The following EFCAB8 variants were observed in gnomAD, a reference collection of about 807,000 sequenced individuals.
EFCAB8 encodes the protein EF-hand calcium-binding domain-containing protein 8.
In EFCAB8, 100 loss-of-function variants were observed where a neutral mutation model predicts 116.3. The observed-to-expected ratio is 0.86, with a 90% CI of 0.73 to 1.02. The LOEUF (loss-of-function observed/expected upper bound fraction) is 1.02, where lower values mean the gene tolerates loss of function less well. Ranked by LOEUF, EFCAB8 falls within the 50% of genes least tolerant of loss-of-function variation. The pLI is 0.00. For synonymous variants in EFCAB8, 558 were observed against 567.9 expected (o/e 0.98, Z 0.25); for missense variants, 1,320 against 1,416.9 (o/e 0.93, Z 1.10).
At position 32,943,636 on chromosome 20, in the gene EFCAB8, G is replaced by A. The variant is rs1442491323; in HGVS notation, c.2791G>A (p.Val931Ile). The A allele has an allele frequency of 4.8e-6, 2 of 416,892 alleles. No individual in the cohort carries two copies. The highest frequency in any genetic ancestry group is 8.8e-6 in the Non-Finnish European group (2 of 226,550). 25.8% of individuals were successfully genotyped at this position (416,892 alleles called of 1,614,324 possible). A position where few individuals can be genotyped will look rare whatever the true frequency, so the allele number is the denominator to read the frequency against. The change falls in exon 23 of 27, where the codon GTT (valine) becomes ATT (isoleucine). Residue 931 changes from valine (V) to isoleucine (I), a missense_variant and splice_region_variant. Coordinates refer to ENST00000400522, the MANE Select transcript of EFCAB8 (RefSeq NM_001143967.2). The stretch of plus-strand genomic sequence containing the variant: ...GTTTCTCCTGTACTGTCCCCTATAG[G>A]TTGTGGCTGGCCATACCATTTCCCT... ...PHYIPLEDKE[V>I]VAGHTISLVP...
intron 1 of EFCAB8, among the ~76,000 whole-genome samples, chr20:32,861,237 A>G (rs1379261333): frequency 6.6e-6 from 1 of 152,160 alleles, no homozygotes; most frequent in Non-Finnish European, 1.5e-5. Flanking sequence ...GCCTTTCACA[A>G]AGGAGTCATT....
intron 5 of EFCAB8, among the ~76,000 whole-genome samples, chr20:32,882,854 C>G (rs963726569): frequency 6.6e-6 from 1 of 152,144 alleles, no homozygotes; most frequent in African/African-American, 2.4e-5. Flanking sequence ...CACCACCATG[C>G]CCAGCGATTT....
At chr20:32,871,743 C>T (rs1984693273) in intron 3 of EFCAB8, among the ~76,000 whole-genome samples, 1 of 152,108 alleles carries the variant, frequency 6.6e-6, no homozygotes, top group African/African-American at 2.4e-5. Flanking sequence ...CTTAGGCACC[C>T]CAACTGTCAC....
intron 11 of EFCAB8, chr20:32,903,510 A>G (rs547920661): frequency 6.6e-6 from 1 of 152,350 alleles, no homozygotes; most frequent in South Asian, 2.1e-4. Flanking sequence ...TCCTGGCAGG[A>G]GTAGGAGCCA....
In EFCAB8 at chr20:32,898,494, C is replaced by G; in HGVS notation, c.959C>G (p.Ala320Gly). ...SALHRSYRLK[A>G]LHPNWCEQVK... is the part of the protein sequence containing the mutation. ...CCACCATTGCTACTGTCTTCCCAGG[C>G]TCTCCATCCCAACTGGTGTGAGCAG... The change falls in exon 11 of 27, where the codon GCT (alanine) becomes GGT (glycine). Residue 320 changes from alanine to glycine, a missense_variant and splice_region_variant. By Grantham distance (60) the Ala-to-Gly change is moderately conservative (BLOSUM62 0). Transcript: ENST00000400522. 1 of 717,530 alleles carries G rather than the reference C, an allele frequency of 1.4e-6. No individual in the cohort carries two copies. Among genetic ancestry groups the G allele is most frequent in the Non-Finnish European group, 2.6e-6 (1 of 384,276 alleles). The allele number at this position is 717,530 out of a possible 1,614,324, so 44.4% of individuals were successfully genotyped here. A position where few individuals can be genotyped will look rare whatever the true frequency, so the allele number is the denominator to read the frequency against.
intron 7 of EFCAB8, among the ~76,000 whole-genome samples, chr20:32,890,797 C>T (rs988172224): frequency 1.3e-5 from 2 of 152,240 alleles, no homozygotes; most frequent in Non-Finnish European, 1.5e-5. Flanking sequence ...CCTCCCAGTG[C>T]CTCGCTTTAC....
rs190346431 is a variant in EFCAB8 at position 32,933,177 on chromosome 20, T to C, written c.2790+1841T>C. Among the ~76,000 whole-genome samples the C allele has an allele frequency of 4.6e-5, 7 of 152,322 alleles. No homozygotes were observed. In the East Asian group the frequency reaches 1.3e-3, roughly 29 times the overall value. On this transcript the variant is annotated intron_variant, in intron 22 of 26. Coordinates refer to ENST00000400522, the MANE Select transcript of EFCAB8 (RefSeq NM_001143967.2). ...GTCTAAGCTCCAGTAGCAACCAGTG[T>C]AGACCTGAGACTAAACCTAAGTCTG...
chr20:32,917,099 C>T (rs935698909), intron 17 of EFCAB8: 139 of 583,816 alleles, frequency 2.4e-4, no homozygotes, highest in Middle Eastern at 1.4e-3. Flanking sequence ...TGTAAAGCCC[C>T]TACAACAGGG....
At chr20:32,948,525 AAAGAAAG>A (rs1224281143) in intron 23 of EFCAB8, among the ~76,000 whole-genome samples, 2 of 16,576 alleles carry the variant, frequency 1.2e-4, no homozygotes, top group Non-Finnish European at 2.5e-4. Context: ...AGAAAGTGAA[AAAGAAAG>A]AAAGAAAGAA....
intron 3 of EFCAB8, among the ~76,000 whole-genome samples, chr20:32,870,395 CATG>C (rs1984627506): frequency 6.6e-6 from 1 of 152,184 alleles, no homozygotes; most frequent in Non-Finnish European, 1.5e-5. Flanking sequence ...GTACTTTTTT[CATG>C]ATACTTTTTT....
intron 13 of EFCAB8, 47 bp downstream of exon 13, chr20:32,907,041 A>T: frequency 6.8e-7 from 1 of 1,468,540 alleles, no homozygotes; most frequent in Non-Finnish European, 9.0e-7. Flanking sequence ...TCAGGGAAAC[A>T]CACTGGCCAG....
chr20:32,950,368 T>G (rs1988761832), intron 23 of EFCAB8, among the ~76,000 whole-genome samples: 1 of 152,190 alleles, frequency 6.6e-6, no homozygotes. Context: ...AGAAAGAGGT[T>G]TGAATAGACA....
intron 26 of EFCAB8, among the ~76,000 whole-genome samples, 171 bp downstream of exon 26, chr20:32,960,332 G>T (rs1426439216): frequency 6.6e-6 from 1 of 152,180 alleles, no homozygotes; most frequent in Non-Finnish European, 1.5e-5. Flanking sequence ...GACTAATGTG[G>T]CCAGTTTGTT....
At chr20:32,905,759 C>CAAAAAAAAAAAAAAAAAAAAAAAAAAA (rs571052063) in intron 11 of EFCAB8, among the ~76,000 whole-genome samples, 1 of 71,504 alleles carries the variant, frequency 1.4e-5, no homozygotes, top group Non-Finnish European at 2.8e-5. Flanking sequence ...GACTCCATCT[C>CAAAAAAAAAAAAAAAAAAAAAAAAAAA]AAAAAAAAAA....
At chr20:32,860,493 CTTTT>C (rs71190881) in intron 1 of EFCAB8, among the ~76,000 whole-genome samples, 8 of 84,000 alleles carry the variant, frequency 9.5e-5, no homozygotes, top group African/African-American at 1.6e-4. Flanking sequence ...ATGGTGGTAA[CTTTT>C]TTTTTTTTTT....
chr20:32,927,086 T>C (rs538085561), intron 20 of EFCAB8, among the ~76,000 whole-genome samples: 77 of 152,260 alleles, frequency 5.1e-4, no homozygotes, highest in African/African-American at 1.8e-3. Context: ...CTAAAACTTT[T>C]GCAAGAAAAA....
intron 11 of EFCAB8, among the ~76,000 whole-genome samples, chr20:32,905,381 C>A (rs904789244): frequency 6.6e-6 from 1 of 152,056 alleles, no homozygotes; most frequent in Non-Finnish European, 1.5e-5. Flanking sequence ...GAAGAATGGA[C>A]GGTCATGCAG....
rs1404224021 is a variant in EFCAB8, at chr20:32,911,646, A to G, written c.1724A>G (p.Lys575Arg). The change falls in exon 16 of 27, where the codon AAG becomes AGG. Residue 575 changes from lysine (K) to arginine (R), a missense_variant. Coordinates refer to ENST00000400522, the MANE Select transcript of EFCAB8 (RefSeq NM_001143967.2). The part of the protein sequence containing the change: ...LLTGLRDGTM[K>R]MWNYNIGKCL... ...ACAGGTTTGCGGGATGGCACAATGA[A>G]GATGTGGAACTACAACATTGGCAAA... 1.3e-6 allele frequency: 2 copies of G among 1,551,752 alleles called. No individual in the cohort carries two copies. Among genetic ancestry groups the G allele is most frequent in the Non-Finnish European group, 1.7e-6 (2 of 1,147,004 alleles).
At position 32,875,207 on chromosome 20, in the gene EFCAB8, G is replaced by C. The variant is rs147556833; in HGVS notation, c.209-719G>C. On this transcript the variant is annotated intron_variant, in intron 3 of 26. Transcript: ENST00000400522. The stretch of plus-strand genomic sequence containing the variant: ...TGGCGGGTTTTCAGCCAGGACTTGT[G>C]GGGTGGTTGAATGTTGAGCAGATAA... Among the ~76,000 whole-genome samples, 815 of 152,266 alleles carry C rather than the reference G, an allele frequency of 5.4e-3. 9 individuals are homozygous for C. The highest frequency in any genetic ancestry group is 0.019 in the African/African-American group (776 of 41,554).
Sources: gnomAD v4.1 joint callset for allele counts (sites outside exome capture counted in the v4.1 genomes callset) on GRCh38, gnomAD v4.1.1 for gene constraint, MANE v1.5 for transcripts, NCBI Gene and HGNC (gene_info 2026-07-23, HGNC 2026-07-21) for gene names.